PTPRN2: variants seen among roughly 807,000 people sequenced by gnomAD.
PTPRN2 encodes receptor-type tyrosine-protein phosphatase N2.
In PTPRN2, 74 loss-of-function variants were observed where a neutral mutation model predicts 118.8. The ratio of observed to expected loss-of-function variants is 0.62; its 90% CI spans 0.52 to 0.76. The LOEUF (loss-of-function observed/expected upper bound fraction) is 0.76. Ranked by LOEUF, PTPRN2 falls within the 30% of genes least tolerant of loss-of-function variation. The pLI is 0.00. For synonymous variants in PTPRN2, 641 were observed against 608.0 expected, an observed-to-expected ratio of 1.05 and a Z score of -0.80; for missense variants, 1,481 against 1,394.4, an observed-to-expected ratio of 1.06 and a Z score of -0.99.
intron 12 of PTPRN2, among the ~76,000 whole-genome samples, chr7:157,704,414 T>C (rs1798225904): frequency 6.6e-6 from 1 of 152,186 alleles, no homozygotes; most frequent in Non-Finnish European, 1.5e-5. Flanking sequence ...GTGGAAGGCA[T>C]CCTTAAAGAT....
intron 3 of PTPRN2, among the ~76,000 whole-genome samples, chr7:158,260,611 C>G (rs1797333994): frequency 1.3e-5 from 2 of 152,304 alleles, no homozygotes; most frequent in South Asian, 4.1e-4. Context: ...ATCCTACGGA[C>G]ATTCTAATGC....
intron 10 of PTPRN2, among the ~76,000 whole-genome samples, chr7:158,086,257 G>A (rs150884116): frequency 1.3e-5 from 2 of 152,212 alleles, no homozygotes; most frequent in African/African-American, 4.8e-5. Flanking sequence ...CCGCTCCCAG[G>A]CTGAAGCCAC....
intron 12 of PTPRN2, among the ~76,000 whole-genome samples, chr7:157,860,063 C>T (rs112184503): frequency 3.3e-5 from 5 of 152,320 alleles, no homozygotes; most frequent in African/African-American, 1.2e-4. Context: ...CTCTGCAGCA[C>T]AGACCCCAGA....
intron 3 of PTPRN2, among the ~76,000 whole-genome samples, chr7:158,262,971 C>T (rs1163206216): frequency 8.2e-6 from 1 of 121,604 alleles, no homozygotes; most frequent in Non-Finnish European, 1.7e-5. Flanking sequence ...CATTCACACA[C>T]TGCACACATA....
chr7:157,545,934 A>G lies in PTPRN2; in HGVS notation c.2976+3012T>C, dbSNP rs149677200. ...GATTGGACAGCAGCATTTTGCCCAA[A>G]TAATTTTTCTATCTTTGTGAAACTG... On this transcript the variant is annotated intron_variant, in intron 22 of 22. Coordinates refer to ENST00000389418, the MANE Select transcript of PTPRN2 (RefSeq NM_002847.5). Among the ~76,000 whole-genome samples the G allele has an allele frequency of 7.3e-4, 111 of 152,296 alleles. 1 individual carries two copies. The highest frequency in any genetic ancestry group is 2.4e-3 in the African/African-American group (100 of 41,562).
chr7:157,903,597 T>A lies in PTPRN2; in HGVS notation c.1724-4860A>T, dbSNP rs984456783. Among the ~76,000 whole-genome samples the A allele has an allele frequency of 4.6e-5, 7 of 151,916 alleles. No individual in the cohort carries two copies. Among genetic ancestry groups the A allele is most frequent in the Non-Finnish European group, 7.4e-5 (5 of 67,998 alleles). ...TAAAATGTAGTTCAGTCGGTTTAAA[T>A]CAGCGATTGAAGCAAACAACCTGAA... On this transcript the variant is annotated intron_variant, in intron 11 of 22. Transcript: ENST00000389418. The surrounding 1 kb of genome is among the most constrained non-coding windows in gnomAD (Gnocchi z 4.2).
rs565723059 is a variant in PTPRN2 at position 157,929,203 on chromosome 7, G to C, written c.1724-30466C>G. Among the ~76,000 whole-genome samples the C allele has an allele frequency of 2.0e-5, 3 of 152,254 alleles. No individual in the cohort carries two copies. The South Asian group carries it at 6.2e-4, about 32-fold the overall frequency. ...CTGCGTTAGCAAATGCTGAAGGCAG[G>C]GTCGTCCCTGGCATGACCCCCTCCC... On this transcript the variant is annotated intron_variant, in intron 11 of 22. Transcript: ENST00000389418. The surrounding 1 kb of genome is among the most constrained non-coding windows in gnomAD (Gnocchi z 4.4).
chr7:157,809,424 G>A (rs1805837097), intron 12 of PTPRN2, among the ~76,000 whole-genome samples: 1 of 152,226 alleles, frequency 6.6e-6, no homozygotes, highest in South Asian at 2.1e-4. Flanking sequence ...CCCGCCGTGT[G>A]AGCTCCCGCG....
chr7:157,743,888 G>T (rs1221661098), intron 12 of PTPRN2, among the ~76,000 whole-genome samples: 1 of 152,236 alleles, frequency 6.6e-6, no homozygotes, highest in East Asian at 1.9e-4. Context: ...CTGTGAAAGT[G>T]CTGCCCCATT....
At chr7:158,328,075 C>T (rs1803803067) in intron 2 of PTPRN2, among the ~76,000 whole-genome samples, 1 of 152,210 alleles carries the variant, frequency 6.6e-6, no homozygotes. Flanking sequence ...AAGCACCTGC[C>T]ATGCACATTT....
At chr7:157,580,098 T>G (rs1291037392) in intron 17 of PTPRN2, among the ~76,000 whole-genome samples, 1 of 152,212 alleles carries the variant, frequency 6.6e-6, no homozygotes, top group Non-Finnish European at 1.5e-5. Context: ...GTTTCACTAT[T>G]TTCTTTCTCA....
chr7:157,556,404 ACAT>A (rs1798884430), intron 21 of PTPRN2, among the ~76,000 whole-genome samples: 1 of 148,442 alleles, frequency 6.7e-6, no homozygotes, highest in African/African-American at 2.5e-5. Flanking sequence ...ACCCACACTC[ACAT>A]CATACATACG....
chr7:158,243,584 C>T lies in PTPRN2; in HGVS notation c.278-38311G>A, dbSNP rs1393262352. Reference sequence around the variant, plus strand: ...CACAGATACCACCTTCAGAGTTGGCCAGGAGCTGCAGGAAGCCCACAAAGG... The same window carrying T: ...CACAGATACCACCTTCAGAGTTGGCTAGGAGCTGCAGGAAGCCCACAAAGG... On this transcript the variant is annotated intron_variant, in intron 3 of 22. Coordinates refer to ENST00000389418, the MANE Select transcript of PTPRN2 (RefSeq NM_002847.5). 2.0e-5 allele frequency among the ~76,000 whole-genome samples: 3 copies of T among 152,158 alleles called. No individual in the cohort carries two copies. In the East Asian group the frequency reaches 5.8e-4, roughly 29 times the overall value.
chr7:157,833,617 C>T (rs953588078), intron 12 of PTPRN2, among the ~76,000 whole-genome samples: 16 of 152,008 alleles, frequency 1.1e-4, no homozygotes, highest in South Asian at 2.1e-4. Context: ...GTGACGTGGC[C>T]GGAGCCCATC....
intron 22 of PTPRN2, among the ~76,000 whole-genome samples, chr7:157,541,242 C>G (rs886800012): frequency 3.3e-5 from 5 of 152,226 alleles, no homozygotes; most frequent in Non-Finnish European, 7.3e-5. Flanking sequence ...CATGCTTGGG[C>G]GTTTCCTGTC....
intron 11 of PTPRN2, among the ~76,000 whole-genome samples, chr7:157,926,469 G>C (rs1292968385): frequency 2.0e-5 from 3 of 152,250 alleles, no homozygotes; most frequent in African/African-American, 7.2e-5. Flanking sequence ...GTCCATGTGA[G>C]ATAATAATTG....
intron 12 of PTPRN2, among the ~76,000 whole-genome samples, chr7:157,765,304 C>G (rs1802389300): frequency 6.6e-6 from 1 of 150,424 alleles, no homozygotes; most frequent in Non-Finnish European, 1.5e-5. Flanking sequence ...ACCATCCATC[C>G]ATCTTTCCTT....
At chr7:157,897,699 G>A (rs191945249) in intron 12 of PTPRN2, among the ~76,000 whole-genome samples, 4 of 152,356 alleles carry the variant, frequency 2.6e-5, no homozygotes, top group Admixed American at 2.0e-4. Context: ...TGGGAAGAGC[G>A]GCCAATTAAG....
chr7:157,855,951 G>GC (rs1396401254), intron 12 of PTPRN2: 3 of 152,236 alleles, frequency 2.0e-5, no homozygotes, highest in African/African-American at 7.2e-5. Flanking sequence ...GGCCGGAAGT[G>GC]CAGGGTTATC....
Sources: allele counts gnomAD v4.1 joint callset (sites outside exome capture counted in the v4.1 genomes callset), GRCh38; gene constraint gnomAD v4.1.1; non-coding constraint Gnocchi (gnomAD v3.1); transcripts MANE v1.5; gene names NCBI Gene and HGNC (gene_info 2026-07-23, HGNC 2026-07-21).